The following FRMD4B variants were observed in gnomAD, a reference collection of about 807,000 sequenced individuals.
FRMD4B encodes FERM domain-containing protein 4B.
Under a neutral mutation model 141.5 loss-of-function variants are expected in FRMD4B, and 74 were observed. The ratio of observed to expected loss-of-function variants is 0.52; its 90% confidence interval spans 0.43 to 0.63. The LOEUF (loss-of-function observed/expected upper bound fraction) is 0.63. Among genes scored for constraint, FRMD4B ranks in the 30% least tolerant of loss-of-function variants. The pLI, the probability that FRMD4B is intolerant of heterozygous loss-of-function variation, is 0.00. For synonymous variants in FRMD4B, 506 were observed against 467.9 expected (o/e 1.08, Z -1.05); for missense variants, 1,366 against 1,253.4 (o/e 1.09, Z -1.36).
At chr3:69,508,995 T>C (rs188692328) in intron 1 of FRMD4B, among the ~76,000 whole-genome samples, 1 of 152,350 alleles carries the variant, frequency 6.6e-6, no homozygotes, top group East Asian at 1.9e-4. Flanking sequence ...GGTCTTGAAT[T>C]CTTTTAAACC....
At chr3:69,521,278 A>T (rs1374082321) in intron 1 of FRMD4B, among the ~76,000 whole-genome samples, 1 of 152,152 alleles carries the variant, frequency 6.6e-6, no homozygotes, top group Non-Finnish European at 1.5e-5. Context: ...AGTGAGTCTC[A>T]CAACAAAATT....
At chr3:69,472,650 C>T (rs1202071758) in intron 1 of FRMD4B, 1 of 168,054 alleles carries the variant, frequency 6.0e-6, no homozygotes, top group Non-Finnish European at 1.3e-5. Flanking sequence ...CTCTGTTTCA[C>T]TACCAAGAAA....
intron 1 of FRMD4B, among the ~76,000 whole-genome samples, chr3:69,527,506 C>A (rs1338960487): frequency 6.6e-6 from 1 of 152,182 alleles, no homozygotes; most frequent in African/African-American, 2.4e-5. Context: ...AAAGGAAAAC[C>A]AAAGTCATTC....
intron 5 of FRMD4B, among the ~76,000 whole-genome samples, chr3:69,286,362 G>A (rs987370862): frequency 1.3e-5 from 2 of 152,128 alleles, no homozygotes; most frequent in African/African-American, 4.8e-5. Context: ...GACATCAATC[G>A]CATAAAGGCT....
intron 1 of FRMD4B, among the ~76,000 whole-genome samples, chr3:69,540,380 C>G (rs1701154409): frequency 6.6e-6 from 1 of 151,110 alleles, no homozygotes; most frequent in African/African-American, 2.4e-5. Context: ...TTTGGGAGGC[C>G]GAGGCGGGCG....
At chr3:69,263,921 G>A (rs1464265778) in intron 5 of FRMD4B, among the ~76,000 whole-genome samples, 1 of 146,210 alleles carries the variant, frequency 6.8e-6, no homozygotes, top group East Asian at 2.1e-4. Context: ...TGCCTCCTAG[G>A]TTCAAGCAAT....
In FRMD4B at chr3:69,189,943, A is replaced by T; in HGVS notation, c.1724T>A (p.Ile575Asn). Residue 575 changes from isoleucine (I) to asparagine (N), a missense_variant, in exon 18 of 23, where the codon ATC becomes AAC. Physicochemically the swap from Ile to Asn is moderately radical, Grantham distance 149. Coordinates refer to ENST00000398540, the MANE Select transcript of FRMD4B (RefSeq NM_015123.3). ...AGACAAAGAGCTACTCTCTGAGGGG[A>T]TTATGTCTTCTGTGAATAAAAATAA... ...QKATVLPEDI[I>N]PSESSSLSDT... 2 of 1,588,032 alleles carry T rather than the reference A, an allele frequency of 1.3e-6. No individual in the cohort carries two copies. The highest frequency in any genetic ancestry group is 4.5e-5 in the East Asian group (2 of 44,670).
chr3:69,406,147 C>T (rs888545137), intron 2 of FRMD4B, among the ~76,000 whole-genome samples: 4 of 152,130 alleles, frequency 2.6e-5, no homozygotes, highest in African/African-American at 9.7e-5. Context: ...TTCCACAAAT[C>T]GAACACAAAA....
intron 5 of FRMD4B, among the ~76,000 whole-genome samples, chr3:69,266,614 C>T (rs2093563528): frequency 6.6e-6 from 1 of 152,134 alleles, no homozygotes; most frequent in East Asian, 1.9e-4. Flanking sequence ...GCATGAGCCA[C>T]CGTGACTGGC....
chr3:69,196,651 C>A (rs1471147493), intron 13 of FRMD4B: 1 of 573,202 alleles, frequency 1.7e-6, no homozygotes. Flanking sequence ...GGCAACATCA[C>A]CGCCAGCAGT....
chr3:69,263,864 G>T (rs2093544408), intron 5 of FRMD4B, among the ~76,000 whole-genome samples: 2 of 105,682 alleles, frequency 1.9e-5, no homozygotes, highest in African/African-American at 3.7e-5. Flanking sequence ...TCGCTCTGTT[G>T]CCCAGGCTGG....
At chr3:69,392,212 C>T (rs375491377) in intron 2 of FRMD4B, among the ~76,000 whole-genome samples, 29 of 152,276 alleles carry the variant, frequency 1.9e-4, no homozygotes, top group African/African-American at 6.0e-4. Flanking sequence ...TCTGTCTAAG[C>T]GAGTCCTAGA....
intron 1 of FRMD4B, among the ~76,000 whole-genome samples, chr3:69,497,931 G>C (rs1706429325): frequency 6.6e-6 from 1 of 152,186 alleles, no homozygotes; most frequent in African/African-American, 2.4e-5. Flanking sequence ...ATGGGTGGTA[G>C]AGTCCAAGGT....
At chr3:69,292,332 C>T (rs1401997395) in intron 4 of FRMD4B, among the ~76,000 whole-genome samples, 1 of 152,210 alleles carries the variant, frequency 6.6e-6, no homozygotes, top group Non-Finnish European at 1.5e-5. Flanking sequence ...GAAGGGCACT[C>T]AGGCGGATAG....
intron 19 of FRMD4B, among the ~76,000 whole-genome samples, chr3:69,185,198 G>C (rs1038306866): frequency 1.3e-5 from 2 of 151,778 alleles, no homozygotes; most frequent in Non-Finnish European, 2.9e-5. Flanking sequence ...CTACTCAGGA[G>C]GTTGAGGCAG....
chr3:69,511,069 C>T (rs113876119), intron 1 of FRMD4B, among the ~76,000 whole-genome samples: 2,006 of 152,198 alleles, frequency 0.013, 43 homozygotes, highest in African/African-American at 0.046. Flanking sequence ...ATGTTTAATG[C>T]ATTCTTGGGG....
At chr3:69,528,882 T>C (rs1700972831) in intron 1 of FRMD4B, among the ~76,000 whole-genome samples, 1 of 151,090 alleles carries the variant, frequency 6.6e-6, no homozygotes, top group African/African-American at 2.4e-5. Context: ...TGGGAAAAGG[T>C]GTACAATATA....
intron 1 of FRMD4B, among the ~76,000 whole-genome samples, chr3:69,473,159 C>G (rs1705925178): frequency 1.3e-5 from 2 of 151,972 alleles, no homozygotes; most frequent in Admixed American, 1.3e-4. Context: ...AGTAATTTAT[C>G]TGACAAGGAT....
At chr3:69,248,780 T>G (rs9842313) in intron 7 of FRMD4B, among the ~76,000 whole-genome samples, 1 of 152,192 alleles carries the variant, frequency 6.6e-6, no homozygotes, top group African/African-American at 2.4e-5. Flanking sequence ...GTCAAGTGTA[T>G]GAAGGGTGAG....
Sources: allele counts gnomAD v4.1 joint callset (sites outside exome capture counted in the v4.1 genomes callset), GRCh38; gene constraint gnomAD v4.1.1; transcripts MANE v1.5; gene names NCBI Gene and HGNC (gene_info 2026-07-23, HGNC 2026-07-21).